PAX3: variants seen among roughly 807,000 people sequenced by gnomAD.
PAX3 encodes paired box protein Pax-3.
PAX3 carries 14 observed loss-of-function variants against 51.6 expected under a neutral mutation model. The ratio of observed to expected loss-of-function variants is 0.27; its 90% CI spans 0.18 to 0.42. The LOEUF (loss-of-function observed/expected upper bound fraction) is 0.42. Ranked by LOEUF, PAX3 falls within the 10% of genes least tolerant of loss-of-function variation. The pLI, the probability that PAX3 is intolerant of heterozygous loss-of-function variation, is 1.00. For missense variants in PAX3, 540 were observed against 642.8 expected, an observed-to-expected ratio of 0.84 and a Z score of 1.73; for synonymous variants, 280 against 253.4, an observed-to-expected ratio of 1.11 and a Z score of -1.00.
chr2:222,219,656 C>T (rs1386368461), intron 7 of PAX3, among the ~76,000 whole-genome samples: 1 of 152,172 alleles, frequency 6.6e-6, no homozygotes, highest in East Asian at 1.9e-4. Flanking sequence ...TCTCTCTCCA[C>T]AGGACTTGTT....
In PAX3 at chr2:222,221,279, T is replaced by C; in HGVS notation, c.901A>G (p.Thr301Ala). The C allele has an allele frequency of 6.2e-7, 1 of 1,614,050 alleles. No individual in the cohort carries two copies. The highest frequency in any genetic ancestry group is 8.5e-7 in the Non-Finnish European group (1 of 1,179,956). The change falls in exon 6 of 9, where the codon ACC (threonine) becomes GCC (alanine). Residue 301 changes from threonine (T) to alanine (A), a missense_variant. Physicochemically the swap from Thr to Ala is moderately conservative, Grantham distance 58. Transcript: ENST00000392070. ...PGGFPPTAMP[T>A]LPTYQLSETS... Reference sequence around the variant, plus strand: ...TCCGACAGCTGGTACGTTGGCAAGGTCGGCATGGCAGTGGGAGGGAACCCC... The same window carrying C: ...TCCGACAGCTGGTACGTTGGCAAGGCCGGCATGGCAGTGGGAGGGAACCCC...
At chr2:222,244,563 A>T (rs1191964456) in intron 4 of PAX3, among the ~76,000 whole-genome samples, 1 of 152,114 alleles carries the variant, frequency 6.6e-6, no homozygotes, top group East Asian at 1.9e-4. Context: ...GCATAAGGGA[A>T]TAGCATGTGA....
At chr2:222,280,620 G>T (rs183856743) in intron 4 of PAX3, among the ~76,000 whole-genome samples, 1 of 152,108 alleles carries the variant, frequency 6.6e-6, no homozygotes, top group South Asian at 2.1e-4. Context: ...AGATGAGATG[G>T]TCATCCCACT....
chr2:222,246,141 T>TCTGAGGGACTGAAGTTGAGG (rs1693220611), intron 4 of PAX3, among the ~76,000 whole-genome samples: 1 of 152,188 alleles, frequency 6.6e-6, no homozygotes, highest in South Asian at 2.1e-4. Flanking sequence ...GAAAGCCTGC[T>TCTGAGGGACTGAAGTTGAGG]CTGAGGGACT....
chr2:222,280,732 T>C (rs544693309), intron 4 of PAX3, among the ~76,000 whole-genome samples: 11 of 152,200 alleles, frequency 7.2e-5, no homozygotes, highest in Non-Finnish European at 1.5e-4. Flanking sequence ...AAAAGTTTAC[T>C]GAGAAGCCCA....
chr2:222,218,474 C>A (rs1692054857), intron 7 of PAX3, among the ~76,000 whole-genome samples: 1 of 152,168 alleles, frequency 6.6e-6, no homozygotes, highest in South Asian at 2.1e-4. Flanking sequence ...TCTCACCTTG[C>A]AGAAGCAGCT....
chr2:222,223,234 A>T (rs1692266529), intron 5 of PAX3, among the ~76,000 whole-genome samples: 1 of 152,218 alleles, frequency 6.6e-6, no homozygotes, highest in Admixed American at 6.5e-5. Context: ...TTGTTGCAAG[A>T]TACTGGTAAG....
Position 222,221,307 on chromosome 2 carries a change from G to C in PAX3, c.873C>G (p.Pro291=). The C allele has an allele frequency of 5.0e-6, 8 of 1,614,022 alleles. No individual in the cohort carries two copies. The highest frequency in any genetic ancestry group is 6.8e-6 in the Non-Finnish European group (8 of 1,179,906). ...GCATGGCAGTGGGAGGGAACCCCCC[G>C]GGAATGAGATGGTTGAAAGCCATCA... The part of the protein sequence containing the change: ...NQLMAFNHLI[P]GGFPPTAMPT... Residue 291 remains proline (P), a synonymous_variant, in exon 6 of 9, where the codon CCC becomes CCG. Coordinates refer to ENST00000392070, the MANE Select transcript of PAX3 (RefSeq NM_181458.4).
At chr2:222,207,474 A>G (rs1691556710) in intron 7 of PAX3, among the ~76,000 whole-genome samples, 1 of 152,174 alleles carries the variant, frequency 6.6e-6, no homozygotes, top group Non-Finnish European at 1.5e-5. Context: ...AAACCTGTGC[A>G]TGTTTTATTT....
At chr2:222,293,007 A>G (rs1695100170) in intron 4 of PAX3, among the ~76,000 whole-genome samples, 1 of 152,200 alleles carries the variant, frequency 6.6e-6, no homozygotes, top group Non-Finnish European at 1.5e-5. Flanking sequence ...ACTGGCTGCC[A>G]CAGAGTTGGG....
rs1559248698 is a variant in PAX3 at position 222,201,380 on chromosome 2, C to T, written c.*28G>A. On this transcript the variant is annotated 3_prime_UTR_variant, in exon 9 of 9. Transcript: ENST00000392070. ...AGGCTGCGAAGACCAGAAACAGGGCCAGTTTTAGCTCCAAGTGGACAGTTC... is the reference window on the plus strand; with the variant it reads ...AGGCTGCGAAGACCAGAAACAGGGCTAGTTTTAGCTCCAAGTGGACAGTTC... 4.3e-6 allele frequency: 7 copies of T among 1,613,560 alleles called. No individual in the cohort carries two copies. The highest frequency in any genetic ancestry group is 5.9e-6 in the Non-Finnish European group (7 of 1,179,986).
At chr2:222,297,904 A>C (rs1231153002) in intron 1 of PAX3, among the ~76,000 whole-genome samples, 1 of 152,108 alleles carries the variant, frequency 6.6e-6, no homozygotes, top group African/African-American at 2.4e-5. Context: ...TAACCTGGAA[A>C]ACCATTGAAA....
chr2:222,243,811 T>G lies in PAX3; in HGVS notation c.587-11528A>C, dbSNP rs898144698. 1.4e-4 allele frequency among the ~76,000 whole-genome samples: 22 copies of G among 152,334 alleles called. 1 individual carries two copies. Among genetic ancestry groups the G allele is most frequent in the Non-Finnish European group, 5.9e-5 (4 of 68,026 alleles). ...AATCTTATCTGGGTCAATTATTGCT[T>G]GTTGGAAGATTGAAAGAGGTAATAA... On this transcript the variant is annotated intron_variant, in intron 4 of 8. Transcript: ENST00000392070.
intron 4 of PAX3, among the ~76,000 whole-genome samples, chr2:222,278,297 C>T (rs1427121406): frequency 6.6e-6 from 1 of 152,128 alleles, no homozygotes; most frequent in Non-Finnish European, 1.5e-5. Flanking sequence ...CCCCCACCCC[C>T]AGCCACAGCT....
chr2:222,239,498 A>G (rs1692926727), intron 4 of PAX3, among the ~76,000 whole-genome samples: 2 of 152,112 alleles, frequency 1.3e-5, no homozygotes, highest in African/African-American at 2.4e-5. Context: ...AATTGTATAT[A>G]TGTTGAGAAA....
rs565907017 is a variant in PAX3, at chr2:222,205,821, A to G, written c.1174-3631T>C. On this transcript the variant is annotated intron_variant, in intron 7 of 8. Coordinates refer to ENST00000392070, the MANE Select transcript of PAX3 (RefSeq NM_181458.4). Reference sequence around the variant, plus strand: ...TGTAGAAGGGTTCCATTACACTTTCATGTATGTTTCTTTAAAAGCTATTTT... The same window carrying G: ...TGTAGAAGGGTTCCATTACACTTTCGTGTATGTTTCTTTAAAAGCTATTTT... Among the ~76,000 whole-genome samples, 12 of 152,192 alleles carry G rather than the reference A, an allele frequency of 7.9e-5. No homozygotes were observed. In the South Asian group the frequency reaches 2.5e-3, roughly 32 times the overall value.
chr2:222,235,074 G>A (rs1465239554), intron 4 of PAX3, among the ~76,000 whole-genome samples: 1 of 152,066 alleles, frequency 6.6e-6, no homozygotes. Flanking sequence ...GGAGTCTCTG[G>A]GGTTATTAAA....
chr2:222,298,228 C>T, intron 1 of PAX3: 1 of 439,778 alleles, frequency 2.3e-6, no homozygotes, highest in Non-Finnish European at 4.1e-6. Context: ...TTGCTTCTGC[C>T]GCTCAGAAGC....
intron 4 of PAX3, among the ~76,000 whole-genome samples, chr2:222,246,403 GC>G: frequency 6.6e-6 from 1 of 152,224 alleles, no homozygotes; most frequent in East Asian, 1.9e-4. Flanking sequence ...CCTAAGAAAA[GC>G]TTTTTGAGCA....
Sources: gnomAD v4.1 joint callset for allele counts (sites outside exome capture counted in the v4.1 genomes callset) on GRCh38, gnomAD v4.1.1 for gene constraint, MANE v1.5 for transcripts, NCBI Gene and HGNC (gene_info 2026-07-23, HGNC 2026-07-21) for gene names.